The following SMC2 variants were observed in gnomAD, a reference collection of about 807,000 sequenced individuals.
SMC2 encodes the protein structural maintenance of chromosomes protein 2.
A neutral mutation model predicts 142.6 loss-of-function variants in SMC2; 41 were observed. That is an observed-to-expected ratio of 0.29 (90% CI 0.22 to 0.37). The LOEUF is 0.37. Among genes scored for constraint, SMC2 ranks in the 10% least tolerant of loss-of-function variants. SMC2 has a pLI of 1.00. For synonymous variants in SMC2, 463 were observed against 457.5 expected, an observed-to-expected ratio of 1.01 and a Z score of -0.15; for missense variants, 1,265 against 1,373.7, an observed-to-expected ratio of 0.92 and a Z score of 1.25.
chr9:104,128,947 T>A (rs190255532), intron 20 of SMC2, among the ~76,000 whole-genome samples: 17 of 152,286 alleles, frequency 1.1e-4, no homozygotes, highest in Admixed American at 1.0e-3. Flanking sequence ...ATGACTTAAG[T>A]ATTAAAAGAG....
chr9:104,138,670 G>A (rs1158177618), intron 24 of SMC2, among the ~76,000 whole-genome samples: 1 of 152,154 alleles, frequency 6.6e-6, no homozygotes, highest in African/African-American at 2.4e-5. Flanking sequence ...ATTATGCATT[G>A]TACAACTCTG....
intron 6 of SMC2, 76 bp downstream of exon 6, chr9:104,100,279 A>C (rs1830956318): frequency 7.1e-7 from 1 of 1,400,592 alleles, no homozygotes; most frequent in Non-Finnish European, 9.8e-7. Flanking sequence ...AAAGAGGGAA[A>C]AATTTTTTTC....
upstream of SMC2, chr9:104,092,544 A>T (rs561938953): frequency 1.3e-5 from 2 of 152,370 alleles, no homozygotes; most frequent in South Asian, 4.1e-4. Flanking sequence ...TAACAGAATC[A>T]ATACAAGTGA....
chr9:104,138,280 C>A, intron 24 of SMC2, 115 bp downstream of exon 24: 2 of 749,304 alleles, frequency 2.7e-6, no homozygotes, highest in Non-Finnish European at 3.9e-6. Context: ...AATACTAAAG[C>A]ATTGTATATC....
At chr9:104,124,229 G>A (rs966187270) in intron 17 of SMC2, among the ~76,000 whole-genome samples, 2 of 152,174 alleles carry the variant, frequency 1.3e-5, no homozygotes, top group African/African-American at 4.8e-5. Flanking sequence ...TGGGACTACA[G>A]GCGTGCATCA....
At position 104,096,302 on chromosome 9, in the gene SMC2, G is replaced by A; in HGVS notation, c.318+5G>A. On this transcript the variant is annotated splice_donor_5th_base_variant and intron_variant, in intron 3 of 24. Transcript: ENST00000374793. Reference sequence around the variant, plus strand: ...GAAATCACAGTAACAAGGCAGGTGAGTGGCAATTAAACCTTTGGGTATCTT... The same window carrying A: ...GAAATCACAGTAACAAGGCAGGTGAATGGCAATTAAACCTTTGGGTATCTT... The A allele has an allele frequency of 6.2e-7, 1 of 1,613,632 alleles. No homozygotes were observed. The highest frequency in any genetic ancestry group is 8.5e-7 in the Non-Finnish European group (1 of 1,179,684).
chr9:104,121,001 C>G (rs1183989253), intron 16 of SMC2, among the ~76,000 whole-genome samples: 1 of 140,022 alleles, frequency 7.1e-6, no homozygotes, highest in South Asian at 2.1e-4. Flanking sequence ...TAGGAGCTAT[C>G]TAGGGCAAAG....
In SMC2 at chr9:104,097,128, T is replaced by G. The variant is rs1268688815; in HGVS notation, c.318+831T>G. On this transcript the variant is annotated intron_variant, in intron 3 of 24. Coordinates refer to ENST00000374793, the MANE Select transcript of SMC2 (RefSeq NM_006444.3). ...TTTTCAGCTTGTCAAGGTTTTTTTT[T>G]TTTTTTTTTTTTTTCCTGAGACGGA... Among the ~76,000 whole-genome samples, 13 of 147,764 alleles carry G rather than the reference T, an allele frequency of 8.8e-5. No individual in the cohort carries two copies. In the East Asian group the frequency reaches 2.5e-3, roughly 29 times the overall value.
At chr9:104,119,047 A>C (rs1238820204) in intron 15 of SMC2, among the ~76,000 whole-genome samples, 1 of 152,134 alleles carries the variant, frequency 6.6e-6, no homozygotes, top group Non-Finnish European at 1.5e-5. Context: ...CTGATTTCAT[A>C]GTTTGTGTTT....
intron 4 of SMC2, among the ~76,000 whole-genome samples, chr9:104,099,183 A>G (rs1464943816): frequency 6.6e-6 from 1 of 152,110 alleles, no homozygotes; most frequent in Non-Finnish European, 1.5e-5. Flanking sequence ...TAATGAATAA[A>G]TTTAATGGTT....
intron 9 of SMC2, among the ~76,000 whole-genome samples, chr9:104,111,320 G>A (rs2131378125): frequency 6.6e-6 from 1 of 152,170 alleles, no homozygotes; most frequent in South Asian, 2.1e-4. Flanking sequence ...GTTTAAATCT[G>A]CAATTATTAT....
chr9:104,099,381 A>C (rs1364139089), intron 4 of SMC2, among the ~76,000 whole-genome samples: 1 of 152,136 alleles, frequency 6.6e-6, no homozygotes, highest in Non-Finnish European at 1.5e-5. Context: ...TGTCTCAGAA[A>C]CATGATCCTT....
intron 18 of SMC2, among the ~76,000 whole-genome samples, 195 bp downstream of exon 18, chr9:104,125,300 A>T (rs2417487): frequency 6.6e-6 from 1 of 151,802 alleles, no homozygotes; most frequent in Non-Finnish European, 1.5e-5. Context: ...TCCAAAATAC[A>T]AATTAGAAAC....
chr9:104,094,991 A>T (rs776556931), intron 1 of SMC2, among the ~76,000 whole-genome samples: 7 of 152,230 alleles, frequency 4.6e-5, no homozygotes, highest in Non-Finnish European at 8.8e-5. Context: ...AAGCTATGTC[A>T]GTATCAGAGA....
rs1834737047 is a variant in SMC2 at position 104,129,760 on chromosome 9, T to A, written c.2906T>A (p.Leu969His). ...AACCCTAAAGAAGCTGGTCAGAGAC[T>A]TCAGAAGTTGCAAGAAATGAAGGAG... ...TNNPKEAGQR[L>H]QKLQEMKEKL... is the part of the protein sequence containing the mutation. The change falls in exon 21 of 25, where the codon CTT becomes CAT. Residue 969 changes from leucine (L) to histidine (H), a missense_variant. This residue lies in a region of SMC2 where 898 missense variants were observed against 904.2 expected (regional missense o/e 0.99). Coordinates refer to ENST00000374793, the MANE Select transcript of SMC2 (RefSeq NM_006444.3). The A allele has an allele frequency of 6.2e-7, 1 of 1,613,974 alleles. No individual in the cohort carries two copies. Among genetic ancestry groups the A allele is most frequent in the Non-Finnish European group, 8.5e-7 (1 of 1,179,902 alleles).
intron 20 of SMC2, among the ~76,000 whole-genome samples, chr9:104,128,229 A>C (rs1483425453): frequency 6.6e-6 from 1 of 152,192 alleles, no homozygotes; most frequent in Non-Finnish European, 1.5e-5. Context: ...CATACAAAAC[A>C]ATCTCCCTCT....
chr9:104,116,362 G>T, intron 14 of SMC2, 43 bp downstream of exon 14: 1 of 1,539,258 alleles, frequency 6.5e-7, no homozygotes. Flanking sequence ...ATCGTCATCT[G>T]TGGTTTTTTT....
chr9:104,099,359 CTTAATG>C (rs1830856277), intron 4 of SMC2, among the ~76,000 whole-genome samples: 1 of 152,036 alleles, frequency 6.6e-6, no homozygotes, highest in South Asian at 2.1e-4. Context: ...AATATTTCTA[CTTAATG>C]TTAACTGTCT....
rs752208255 is a variant in SMC2, at chr9:104,141,221, CTGT to C, written c.*1913_*1915del. ...TCAGAGTAACCTAGTGAGGTAAATA[CTGT>C]TGTTGTCAGCATGGTGTAATCGAGG... On this transcript the variant is annotated 3_prime_UTR_variant, in exon 25 of 25. Transcript: ENST00000374793. The C allele has an allele frequency of 1.3e-5, 2 of 152,018 alleles. No homozygotes were observed. The highest frequency in any genetic ancestry group is 2.9e-5 in the Non-Finnish European group (2 of 67,996). The allele number at this position is 152,018 out of a possible 1,614,324, so 9.4% of individuals were successfully genotyped here. A position where few individuals can be genotyped will look rare whatever the true frequency, so the allele number is the denominator to read the frequency against.
Sources: allele counts gnomAD v4.1 joint callset (sites outside exome capture counted in the v4.1 genomes callset), GRCh38; gene constraint gnomAD v4.1.1; regional missense constraint gnomAD v4.1.1; transcripts MANE v1.5; gene names NCBI Gene and HGNC (gene_info 2026-07-23, HGNC 2026-07-21).